MCM5: variants seen among roughly 807,000 people sequenced by gnomAD.
The protein encoded by MCM5 is minichromosome maintenance complex component 5.
Under a neutral mutation model 79.9 loss-of-function variants are expected in MCM5, and 46 were observed. The observed-to-expected ratio is 0.58, with a 90% CI of 0.45 to 0.74. The LOEUF (loss-of-function observed/expected upper bound fraction) is 0.74. Ranked by LOEUF, MCM5 falls within the 30% of genes least tolerant of loss-of-function variation. MCM5 has a pLI of 0.00. For synonymous variants in MCM5, 404 were observed against 390.5 expected (o/e 1.03, Z -0.41); for missense variants, 883 against 1,017.0 (o/e 0.87, Z 1.79).
chr22:35,417,797 G>C lies in MCM5; in HGVS notation c.1644G>C (p.Gln548His), dbSNP rs376754915. Residue 548 changes from glutamine (Q) to histidine (H), a missense_variant, in exon 13 of 17, where the codon CAG (glutamine) becomes CAC (histidine). Physicochemically the swap from Gln to His is conservative, Grantham distance 24. Transcript: ENST00000216122. ...ACGTGAGCGCACTGACACAGACACA[G>C]GCTGTGGAGGGCGAGATTGACCTGG... ...TLHVSALTQT[Q>H]AVEGEIDLAK... is the part of the protein sequence containing the mutation. The C allele has an allele frequency of 1.9e-6, 3 of 1,614,100 alleles. No homozygotes were observed. Among genetic ancestry groups the C allele is most frequent in the East Asian group, 2.2e-5 (1 of 44,896 alleles).
intron 11 of MCM5, 22 bp from the exon 12 acceptor site, chr22:35,416,616 T>C (rs1199806508): frequency 6.2e-7 from 1 of 1,604,886 alleles, no homozygotes; most frequent in Non-Finnish European, 8.5e-7. Flanking sequence ...CCTCCCCCTT[T>C]TCGTCGTCTG....
the MCM5 span, among the ~76,000 whole-genome samples, chr22:35,440,026 T>C: frequency 6.6e-6 from 1 of 152,206 alleles, no homozygotes; most frequent in African/African-American, 2.4e-5. Context: ...CCCAGCAGTT[T>C]CCTTAAGTTG....
In MCM5 at chr22:35,408,489, C is replaced by T. The variant is rs765843467; in HGVS notation, c.678C>T (p.Thr226=). Residue 226 remains threonine (T), a synonymous_variant, in exon 6 of 17, where the codon ACC becomes ACT. Transcript: ENST00000216122. ...AATGCAAATGCGTGGACTTCCAGACCCTGAAGCTGCAGGAGCTGCCTGATG... is the reference window on the plus strand; with the variant it reads ...AATGCAAATGCGTGGACTTCCAGACTCTGAAGCTGCAGGAGCTGCCTGATG... ...PDKCKCVDFQ[T]LKLQELPDAV... is the part of the protein sequence containing the mutation. 5.9e-5 allele frequency: 96 copies of T among 1,614,074 alleles called. 1 individual carries two copies. The Admixed American group carries it at 1.5e-3, about 26-fold the overall frequency.
At chr22:35,436,231 A>G in the MCM5 span, among the ~76,000 whole-genome samples, 1 of 151,432 alleles carries the variant, frequency 6.6e-6, no homozygotes, top group African/African-American at 2.4e-5. Flanking sequence ...TGGGTCCAAG[A>G]TGGTGTTTGG....
intron 13 of MCM5, among the ~76,000 whole-genome samples, chr22:35,418,517 G>A (rs566661852): frequency 1.9e-4 from 29 of 151,924 alleles, no homozygotes; most frequent in Non-Finnish European, 2.6e-4. Flanking sequence ...AAAATTAGCC[G>A]GGTGTGGTGG....
At chr22:35,415,610 G>T (rs1418322764) in intron 9 of MCM5, among the ~76,000 whole-genome samples, 7 of 152,222 alleles carry the variant, frequency 4.6e-5, no homozygotes. Flanking sequence ...TGGATGTGAT[G>T]CCCTCAGCGG....
the MCM5 span, among the ~76,000 whole-genome samples, chr22:35,446,294 A>G: frequency 1.3e-5 from 2 of 152,150 alleles, no homozygotes; most frequent in Non-Finnish European, 2.9e-5. Context: ...CCATGATCCT[A>G]TGAAAGTGGG....
Position 35,417,838 on chromosome 22 carries a change from T to G in MCM5, c.1685T>G (p.Phe562Cys). Residue 562 changes from phenylalanine (F) to cysteine (C), a missense_variant, in exon 13 of 17, where the codon TTT (phenylalanine) becomes TGT (cysteine). By Grantham distance (205) the Phe-to-Cys change is radical. Transcript: ENST00000216122. Reference sequence around the variant, plus strand: ...ATTGACCTGGCCAAGCTGAAGAAGTTTATTGCCTACTGCCGAGTGTGAGTC... The same window carrying G: ...ATTGACCTGGCCAAGCTGAAGAAGTGTATTGCCTACTGCCGAGTGTGAGTC... Reference protein sequence around the residue: ...GEIDLAKLKKFIAYCRVKCGP... With the variant: ...GEIDLAKLKKCIAYCRVKCGP... 1 of 1,614,016 alleles carries G rather than the reference T, an allele frequency of 6.2e-7. No individual in the cohort carries two copies. The highest frequency in any genetic ancestry group is 8.5e-7 in the Non-Finnish European group (1 of 1,179,930).
chr22:35,416,116 C>A, intron 10 of MCM5, 144 bp downstream of exon 10: 2 of 1,110,890 alleles, frequency 1.8e-6, no homozygotes, highest in African/African-American at 1.6e-5. Flanking sequence ...CTGTGGGAAG[C>A]TGCTTAACCT....
the MCM5 span, among the ~76,000 whole-genome samples, chr22:35,439,103 T>C: frequency 1.5e-5 from 2 of 135,738 alleles, no homozygotes; most frequent in Non-Finnish European, 3.2e-5. Context: ...ATTCATCCAT[T>C]CACCCATCCA....
chr22:35,443,074 T>A, the MCM5 span, among the ~76,000 whole-genome samples: 1 of 152,108 alleles, frequency 6.6e-6, no homozygotes, highest in Non-Finnish European at 1.5e-5. Flanking sequence ...AGGACCACAC[T>A]CTCCCTCTCA....
chr22:35,420,062 C>T (rs754896376), intron 14 of MCM5, 50 bp downstream of exon 14: 13 of 1,546,444 alleles, frequency 8.4e-6, no homozygotes, highest in Non-Finnish European at 1.1e-5. Flanking sequence ...TTGCTTTACA[C>T]AGCAGGGTGT....
chr22:35,434,015 G>A, the MCM5 span, among the ~76,000 whole-genome samples: 13 of 152,200 alleles, frequency 8.5e-5, no homozygotes, highest in Admixed American at 5.2e-4. Context: ...GAATGCAAAC[G>A]CACAAGACTA....
At chr22:35,410,540 T>G (rs1202799791) in intron 6 of MCM5, 1 of 569,192 alleles carries the variant, frequency 1.8e-6, no homozygotes, top group Non-Finnish European at 3.2e-6. Context: ...AACACCATCC[T>G]CCAAGCAGCT....
chr22:35,433,477 C>G, the MCM5 span, among the ~76,000 whole-genome samples: 1 of 152,216 alleles, frequency 6.6e-6, no homozygotes, highest in Non-Finnish European at 1.5e-5. Context: ...AGAACTCAGA[C>G]CCCTCGGCTC....
Position 35,413,863 on chromosome 22 carries a change from T to G in MCM5, c.1092-12T>G, listed in dbSNP as rs755505556. The G allele has an allele frequency of 8.5e-6, 13 of 1,529,504 alleles. No homozygotes were observed. The South Asian group carries it at 1.3e-4, about 16-fold the overall frequency. The allele number at this position is 1,529,504 out of a possible 1,614,324, so 94.7% of individuals were successfully genotyped here. A position where few individuals can be genotyped will look rare whatever the true frequency, so the allele number is the denominator to read the frequency against. On this transcript the variant is annotated splice_polypyrimidine_tract_variant and intron_variant, in intron 8 of 16. Transcript: ENST00000216122. ...GGATTCTCACCTTGTCCATCTACCC[T>G]TCGTCCCCCAGGCTCCCTGATGGAC...
the MCM5 span, among the ~76,000 whole-genome samples, chr22:35,453,679 CAGAA>C: frequency 1.7e-4 from 25 of 150,070 alleles, no homozygotes; most frequent in East Asian, 7.9e-4. Context: ...GCATCAGAGA[CAGAA>C]AGACAGGGAG....
chr22:35,403,631 C>G, intron 4 of MCM5, 89 bp downstream of exon 4: 1 of 1,499,082 alleles, frequency 6.7e-7, no homozygotes, highest in South Asian at 1.2e-5. Flanking sequence ...TTGAGTGAGG[C>G]ACTTGACCTT....
chr22:35,427,539 T>TTA (rs1932786060), downstream of MCM5, among the ~76,000 whole-genome samples: 1 of 152,058 alleles, frequency 6.6e-6, no homozygotes, highest in African/African-American at 2.4e-5. Flanking sequence ...TTTTTTATTT[T>TTA]TATTTTTTTC....
Sources: allele counts gnomAD v4.1 joint callset (sites outside exome capture counted in the v4.1 genomes callset), GRCh38; gene constraint gnomAD v4.1.1; transcripts MANE v1.5; gene names NCBI Gene and HGNC (gene_info 2026-07-23, HGNC 2026-07-21).